SH3BP4: variants seen among roughly 807,000 people sequenced by gnomAD.
SH3BP4 encodes the protein SH3 domain-binding protein 4.
Under a neutral mutation model 65.5 loss-of-function variants are expected in SH3BP4, and 33 were observed. That is an observed-to-expected ratio of 0.50 (90% CI 0.38 to 0.67). The LOEUF (loss-of-function observed/expected upper bound fraction) is 0.67. Ranked by LOEUF, SH3BP4 falls within the 30% of genes least tolerant of loss-of-function variation. The probability of loss-of-function intolerance (pLI) is 0.00; values close to 1 mark genes in which losing one functional copy is unlikely to be tolerated. For synonymous variants in SH3BP4, 552 were observed against 545.5 expected, an observed-to-expected ratio of 1.01 and a Z score of -0.17; for missense variants, 1,134 against 1,261.4, an observed-to-expected ratio of 0.90 and a Z score of 1.53.
At chr2:235,038,265 TTA>T (rs1391576541) in intron 3 of SH3BP4, among the ~76,000 whole-genome samples, 2 of 41,240 alleles carry the variant, frequency 4.8e-5, no homozygotes, top group Non-Finnish European at 8.0e-5. Flanking sequence ...ATAATATATA[TTA>T]TATATAATAT....
rs1262306469 is a variant in SH3BP4, at chr2:234,974,505, G to A, written c.-206-20798G>A. Among the ~76,000 whole-genome samples, 2 of 152,206 alleles carry A rather than the reference G, an allele frequency of 1.3e-5. No individual in the cohort carries two copies. Among genetic ancestry groups the A allele is most frequent in the Admixed American group, 1.3e-4 (2 of 15,278 alleles). ...GGACAGGCAGCCCTGGAGCTAACAG[G>A]AGTATCCTGCATCCCACCACAGGAT... On this transcript the variant is annotated intron_variant, in intron 1 of 5. Coordinates refer to ENST00000392011, the MANE Select transcript of SH3BP4 (RefSeq NM_014521.3). The surrounding 1 kb of genome is among the most constrained non-coding windows in gnomAD (Gnocchi z 4.6).
chr2:235,013,169 C>T (rs1053983213), intron 2 of SH3BP4, among the ~76,000 whole-genome samples: 15 of 152,224 alleles, frequency 9.9e-5, no homozygotes, highest in East Asian at 1.9e-4. Flanking sequence ...AGTGCTGACT[C>T]GCAAGGCACA....
In SH3BP4 at chr2:235,045,966, T is replaced by C. The variant is rs1392258326; in HGVS notation, c.2478+2719T>C. 1.3e-5 allele frequency among the ~76,000 whole-genome samples: 2 copies of C among 152,184 alleles called. No individual in the cohort carries two copies. The highest frequency in any genetic ancestry group is 2.1e-4 in the South Asian group (1 of 4,822). On this transcript the variant is annotated intron_variant, in intron 4 of 5. Transcript: ENST00000392011. This position sits in a 1 kb window ranked among gnomAD's most constrained non-coding sequence, Gnocchi z 4.3. ...AGGAGTCAAATGAGACCTGGGTTGT[T>C]CCTCTCTCCACTGCCTTTAGAACGG...
At chr2:234,969,138 G>A (rs1379983081) in intron 1 of SH3BP4, among the ~76,000 whole-genome samples, 1 of 152,236 alleles carries the variant, frequency 6.6e-6, no homozygotes, top group Non-Finnish European at 1.5e-5. Context: ...CGTAGCCACA[G>A]GGGAGCTTTC....
chr2:235,040,805 C>G, intron 3 of SH3BP4, 83 bp from the exon 4 acceptor site: 1 of 1,205,094 alleles, frequency 8.3e-7, no homozygotes, highest in Non-Finnish European at 1.2e-6. Flanking sequence ...GTCTGTTTAC[C>G]ACCGTCCTCT....
intron 1 of SH3BP4, among the ~76,000 whole-genome samples, chr2:234,989,321 A>G (rs371286730): frequency 2.0e-5 from 3 of 152,270 alleles, no homozygotes; most frequent in African/African-American, 7.2e-5. Flanking sequence ...CAGCTCTAGA[A>G]AGAAACCTTG....
chr2:235,008,650 C>T (rs775503404), intron 2 of SH3BP4: 4 of 152,192 alleles, frequency 2.6e-5, no homozygotes, highest in Non-Finnish European at 5.9e-5. Context: ...TTCCAAGCAC[C>T]TCTCCCTACT....
intron 4 of SH3BP4, among the ~76,000 whole-genome samples, chr2:235,047,595 G>A (rs1695907560): frequency 6.6e-6 from 1 of 152,220 alleles, no homozygotes; most frequent in African/African-American, 2.4e-5. Context: ...CTCGGCACAT[G>A]GTCTCTGTTA....
chr2:235,011,560 C>G (rs114193154), intron 2 of SH3BP4, among the ~76,000 whole-genome samples: 3,039 of 152,306 alleles, frequency 0.02, 53 homozygotes, highest in Non-Finnish European at 0.03. Flanking sequence ...TCGCTGTCTT[C>G]CCTGGATCGT....
At chr2:234,966,443 C>CT (rs1336288189) in intron 1 of SH3BP4, among the ~76,000 whole-genome samples, 1 of 152,194 alleles carries the variant, frequency 6.6e-6, no homozygotes, top group Non-Finnish European at 1.5e-5. Flanking sequence ...CAGGCAGTCA[C>CT]TGTACTAGGT....
rs1048538132 is a variant in SH3BP4, at chr2:234,978,030, A to G, written c.-206-17273A>G. ...GAGTGCAGTGGCGCCATCTCTGCTCACTGCAACCTCTGCCTCCTGGGTTTA... is the reference window on the plus strand; with the variant it reads ...GAGTGCAGTGGCGCCATCTCTGCTCGCTGCAACCTCTGCCTCCTGGGTTTA... On this transcript the variant is annotated intron_variant, in intron 1 of 5. Transcript: ENST00000392011. This position sits in a 1 kb window ranked among gnomAD's most constrained non-coding sequence, Gnocchi z 4.1. 1.1e-4 allele frequency among the ~76,000 whole-genome samples: 17 copies of G among 152,026 alleles called. No individual in the cohort carries two copies. The highest frequency in any genetic ancestry group is 3.9e-4 in the Admixed American group (6 of 15,256).
chr2:235,008,017 G>A (rs182455209), intron 2 of SH3BP4, among the ~76,000 whole-genome samples: 77 of 152,290 alleles, frequency 5.1e-4, no homozygotes, highest in Admixed American at 1.3e-3. Flanking sequence ...GCACCCCTGT[G>A]GGAAAGGGAG....
intron 2 of SH3BP4, among the ~76,000 whole-genome samples, chr2:235,012,789 A>G (rs754278337): frequency 1.3e-5 from 2 of 152,178 alleles, no homozygotes; most frequent in African/African-American, 2.4e-5. Flanking sequence ...ATGCCGTGCC[A>G]TTGTCCCAAC....
chr2:234,962,807 C>G (rs1034052766), intron 1 of SH3BP4, among the ~76,000 whole-genome samples: 1 of 151,802 alleles, frequency 6.6e-6, no homozygotes, highest in Non-Finnish European at 1.5e-5. Flanking sequence ...TTGACTGCAA[C>G]CTCCGCCTCC....
intron 1 of SH3BP4, among the ~76,000 whole-genome samples, chr2:234,969,573 C>T (rs1458572853): frequency 1.3e-5 from 2 of 150,622 alleles, no homozygotes; most frequent in African/African-American, 5.0e-5. Flanking sequence ...CAGATCTGAT[C>T]GTGCCTCTTC....
Position 234,978,401 on chromosome 2 carries a change from C to T in SH3BP4, c.-206-16902C>T, listed in dbSNP as rs1392745063. Among the ~76,000 whole-genome samples, 1 of 152,202 alleles carries T rather than the reference C, an allele frequency of 6.6e-6. No individual in the cohort carries two copies. Among genetic ancestry groups the T allele is most frequent in the Non-Finnish European group, 1.5e-5 (1 of 68,042 alleles). On this transcript the variant is annotated intron_variant, in intron 1 of 5. Coordinates refer to ENST00000392011, the MANE Select transcript of SH3BP4 (RefSeq NM_014521.3). The surrounding 1 kb of genome is among the most constrained non-coding windows in gnomAD (Gnocchi z 4.1). ...GGAGGGTGGGTAAAAATGCAGGGTC[C>T]TCCTCACTGCAGTCACTGCGGGACC...
In SH3BP4 at chr2:234,964,931, T is replaced by A. The variant is rs184834035; in HGVS notation, c.-207+12761T>A. ...CAGGGAGGCTACCCTGTGCACCACA[T>A]CCTGTTCCAGACCCCCATCTTCACA... is the stretch of plus-strand genomic sequence containing the variant. On this transcript the variant is annotated intron_variant, in intron 1 of 5. Transcript: ENST00000392011. 2.6e-3 allele frequency among the ~76,000 whole-genome samples: 397 copies of A among 152,222 alleles called. 1 individual carries two copies. The highest frequency in any genetic ancestry group is 9.2e-3 in the African/African-American group (383 of 41,548).
chr2:235,003,733 G>C (rs1358387865), intron 2 of SH3BP4, among the ~76,000 whole-genome samples: 3 of 152,230 alleles, frequency 2.0e-5, no homozygotes, highest in African/African-American at 7.2e-5. Context: ...TGTGGCTCTG[G>C]CATACAGAAG....
At chr2:234,980,338 A>T (rs560439815) in intron 1 of SH3BP4, among the ~76,000 whole-genome samples, 72 of 152,352 alleles carry the variant, frequency 4.7e-4, no homozygotes, top group African/African-American at 1.7e-3. Context: ...AAAATAGAAC[A>T]ATTATAGCAC....
Sources: gnomAD v4.1 joint callset for allele counts (sites outside exome capture counted in the v4.1 genomes callset) on GRCh38, gnomAD v4.1.1 for gene constraint, Gnocchi (gnomAD v3.1) non-coding constraint, MANE v1.5 for transcripts, NCBI Gene and HGNC (gene_info 2026-07-23, HGNC 2026-07-21) for gene names.